The following SEC14L3 variants were observed in gnomAD, a reference collection of about 807,000 sequenced individuals.
SEC14L3 encodes SEC14 like lipid binding 3.
SEC14L3 carries 56 observed loss-of-function variants against 57.4 expected under a neutral mutation model. The ratio of observed to expected loss-of-function variants is 0.97; its 90% CI spans 0.79 to 1.22. The LOEUF (loss-of-function observed/expected upper bound fraction) is 1.22. Among genes scored for constraint, SEC14L3 ranks in the 50% most tolerant of loss-of-function variants. The probability of loss-of-function intolerance (pLI) is 0.00; values close to 1 mark genes in which losing one functional copy is unlikely to be tolerated. For missense variants in SEC14L3, 485 were observed against 511.7 expected (o/e 0.95, Z 0.50); for synonymous variants, 173 against 194.4 (o/e 0.89, Z 0.92).
rs188519814 is a variant in SEC14L3 at position 30,465,834 on chromosome 22, A to C, written c.580+500T>G. 5.4e-3 allele frequency among the ~76,000 whole-genome samples: 815 copies of C among 152,290 alleles called. 34 individuals are homozygous for C. The highest frequency in any genetic ancestry group is 0.048 in the Admixed American group (733 of 15,290). On this transcript the variant is annotated intron_variant, in intron 7 of 11. Transcript: ENST00000215812. ...GATCAACCAACTAGCCAATCACCAAACATCCATCCATCCTTTCATCTACCC... is the reference window on the plus strand; with the variant it reads ...GATCAACCAACTAGCCAATCACCAACCATCCATCCATCCTTTCATCTACCC...
In SEC14L3 at chr22:30,459,492, TCTGCTC is replaced by T; in HGVS notation, c.*523_*528del. 9 of 985,742 alleles carry T rather than the reference TCTGCTC, an allele frequency of 9.1e-6. No individual in the cohort carries two copies. Among genetic ancestry groups the T allele is most frequent in the Non-Finnish European group, 1.1e-5 (9 of 830,140 alleles). The allele number at this position is 985,742 out of a possible 1,614,324, so 61.1% of individuals were successfully genotyped here. A position where few individuals can be genotyped will look rare whatever the true frequency, so the allele number is the denominator to read the frequency against. ...GAAGAGAGTCCAACCCCACCACACATCTGCTCCTGTCCAAGGTGCTGAAATCCACCC... is the reference window on the plus strand; with the variant it reads ...GAAGAGAGTCCAACCCCACCACACATCTGTCCAAGGTGCTGAAATCCACCC... On this transcript the variant is annotated 3_prime_UTR_variant, in exon 12 of 12. Transcript: ENST00000215812.
intron 1 of SEC14L3, chr22:30,471,277 T>C (rs576350004): frequency 1.1e-5 from 5 of 455,118 alleles, no homozygotes; most frequent in Admixed American, 9.4e-5. Flanking sequence ...AGAGACTCCA[T>C]CTCAAAAAAA....
At chr22:30,447,944 GT>G (rs397933038), downstream of SEC14L3, 397 of 143,726 alleles carry the variant, frequency 2.8e-3, 4 homozygotes, top group African/African-American at 8.7e-3. Flanking sequence ...GGCGGGCAAT[GT>G]TTTTTTTTTT....
In SEC14L3 at chr22:30,460,064, TCAGGGAG is replaced by T; in HGVS notation, c.1153_1159del (p.Leu385ThrfsTer25). 6.2e-7 allele frequency: 1 copy of T among 1,614,162 alleles called. No homozygotes were observed. Among genetic ancestry groups the T allele is most frequent in the Non-Finnish European group, 8.5e-7 (1 of 1,180,020 alleles). The stretch of plus-strand genomic sequence containing the variant: ...CTTATCATATTTCTGCATGCCCTCG[TCAGGGAG>T]CAGGACCTCCACTGTGAAGCTGACC... On this transcript the variant is annotated frameshift_variant, in exon 12 of 12. Coordinates refer to ENST00000215812, the MANE Select transcript of SEC14L3 (RefSeq NM_174975.5). LOFTEE classifies it high-confidence loss of function.
intron 8 of SEC14L3, among the ~76,000 whole-genome samples, 161 bp downstream of exon 8, chr22:30,464,659 G>A (rs1433784123): frequency 3.3e-5 from 5 of 152,078 alleles, no homozygotes; most frequent in Admixed American, 1.3e-4. Flanking sequence ...TCAACCTCCT[G>A]ATATCAAGCA....
intron 5 of SEC14L3, chr22:30,467,284 T>C (rs75449759): frequency 3.3e-3 from 385 of 116,806 alleles, no homozygotes; most frequent in Non-Finnish European, 4.2e-3. Flanking sequence ...TCCATCCATC[T>C]ATCCAACCAT....
At chr22:30,469,018 G>T in intron 4 of SEC14L3, 2 of 1,347,260 alleles carry the variant, frequency 1.5e-6, no homozygotes, top group South Asian at 1.8e-5. Flanking sequence ...TAACAGAGCT[G>T]GTTCAAAAAC....
chr22:30,459,171 A>G, downstream of SEC14L3: 3 of 725,960 alleles, frequency 4.1e-6, no homozygotes, highest in Non-Finnish European at 3.4e-6. Flanking sequence ...AGAATAAAAC[A>G]TGCTAAACTC....
chr22:30,454,875 ATAT>A (rs1209652919), downstream of SEC14L3, among the ~76,000 whole-genome samples: 3 of 20,110 alleles, frequency 1.5e-4, no homozygotes, highest in Non-Finnish European at 2.1e-4. Flanking sequence ...AATACATAAT[ATAT>A]TATTATATAT....
intron 12 of SEC14L3, among the ~76,000 whole-genome samples, chr22:30,453,703 G>A (rs141123004): frequency 3.2e-3 from 483 of 152,268 alleles, no homozygotes; most frequent in African/African-American, 0.011. Context: ...GTGAGCCGCC[G>A]TGCCCAGCCC....
At chr22:30,468,472 C>A (rs764808785) in intron 5 of SEC14L3, 36 bp downstream of exon 5, 1 of 1,543,858 alleles carries the variant, frequency 6.5e-7, no homozygotes, top group Non-Finnish European at 8.9e-7. Flanking sequence ...GCCTCACCTG[C>A]CCCCAGCCAT....
intron 8 of SEC14L3, among the ~76,000 whole-genome samples, chr22:30,464,079 C>T (rs919232031): frequency 1.3e-5 from 2 of 152,022 alleles, no homozygotes; most frequent in Non-Finnish European, 2.9e-5. Context: ...TCACATATAG[C>T]CTTATTTCTC....
rs41304443 is a variant in SEC14L3 at position 30,459,654 on chromosome 22, A to G, written c.*367T>C. 490 of 1,011,240 alleles carry G rather than the reference A, an allele frequency of 4.8e-4. No homozygotes were observed. Among genetic ancestry groups the G allele is most frequent in the Non-Finnish European group, 5.5e-4 (466 of 844,344 alleles). The allele number at this position is 1,011,240 out of a possible 1,614,324, so 62.6% of individuals were successfully genotyped here. On this transcript the variant is annotated 3_prime_UTR_variant, in exon 12 of 12. Coordinates refer to ENST00000215812, the MANE Select transcript of SEC14L3 (RefSeq NM_174975.5). ...GGGAGTGGAAGTAAAAAGGATTTAG[A>G]TATGTCTCCAACCCAAGTTGCTCAC...
At chr22:30,456,004 G>A (rs1421442338), downstream of SEC14L3, among the ~76,000 whole-genome samples, 6 of 152,100 alleles carry the variant, frequency 3.9e-5, no homozygotes. Context: ...AGTCCATTTT[G>A]TGTTACTATA....
chr22:30,455,018 T>A (rs1332743326), downstream of SEC14L3, among the ~76,000 whole-genome samples: 1 of 74,284 alleles, frequency 1.3e-5, no homozygotes, highest in African/African-American at 6.6e-5. Context: ...TATAATATAT[T>A]ATATATAATA....
At chr22:30,470,172 C>CAA (rs1375118887) in intron 3 of SEC14L3, 40 bp downstream of exon 3, 1 of 1,613,530 alleles carries the variant, frequency 6.2e-7, no homozygotes, top group Non-Finnish European at 8.5e-7. Context: ...TTGCCCCTGA[C>CAA]AAATCCCCTC....
rs1934936184 is a variant in SEC14L3 at position 30,449,380 on chromosome 22, A to AATAGAATGACATTAT, written c.905-151_905-137dup. On this transcript the variant is annotated intron_variant, in intron 12 of 12. Transcript: ENST00000403066. The stretch of plus-strand genomic sequence containing the variant: ...AATAGGATTCTATGTGTCATTCTAT[A>AATAGAATGACATTAT]ATAGAATGACATTATACAATAACTT... The AATAGAATGACATTAT allele has an allele frequency of 3.3e-6, 4 of 1,225,688 alleles. No homozygotes were observed. In the East Asian group the frequency reaches 1.0e-4, roughly 31 times the overall value. 75.9% of individuals were successfully genotyped at this position (1,225,688 alleles called of 1,614,324 possible).
chr22:30,466,275 C>A lies in SEC14L3; in HGVS notation c.580+59G>T, dbSNP rs368535823. The stretch of plus-strand genomic sequence containing the variant: ...TCCTGGGACAAAGACAGTGTTATCA[C>A]CCTCAGCGTACAGATGAGGAAACAG... On this transcript the variant is annotated intron_variant, in intron 7 of 11. Coordinates refer to ENST00000215812, the MANE Select transcript of SEC14L3 (RefSeq NM_174975.5). 1.1e-3 allele frequency: 1,554 copies of A among 1,474,874 alleles called. 18 individuals are homozygous for A. The highest frequency in any genetic ancestry group is 9.8e-3 in the South Asian group (837 of 85,840). 91.4% of individuals were successfully genotyped at this position (1,474,874 alleles called of 1,614,324 possible). A position where few individuals can be genotyped will look rare whatever the true frequency, so the allele number is the denominator to read the frequency against.
At chr22:30,455,237 T>TAATATATTATATATAATATATTATATA (rs1935100645), downstream of SEC14L3, among the ~76,000 whole-genome samples, 2 of 122,348 alleles carry the variant, frequency 1.6e-5, no homozygotes, top group African/African-American at 6.2e-5. Flanking sequence ...TATATAATAT[T>TAATATATTATATATAATATATTATATA]TAATATATTA....
Sources: allele counts gnomAD v4.1 joint callset (sites outside exome capture counted in the v4.1 genomes callset), GRCh38; gene constraint gnomAD v4.1.1; transcripts MANE v1.5; gene names NCBI Gene and HGNC (gene_info 2026-07-23, HGNC 2026-07-21).